CPA6: variants seen among roughly 807,000 people sequenced by gnomAD.
CPA6 encodes the protein carboxypeptidase A6.
Under a neutral mutation model 63.3 loss-of-function variants are expected in CPA6, and 58 were observed. That is an observed-to-expected ratio of 0.92 (90% CI 0.74 to 1.14). CPA6 has a LOEUF of 1.14. Among genes scored for constraint, CPA6 ranks in the 50% most tolerant of loss-of-function variants. The pLI, the probability that CPA6 is intolerant of heterozygous loss-of-function variation, is 0.00. For missense variants in CPA6, 565 were observed against 526.6 expected (o/e 1.07, Z -0.71); for synonymous variants, 185 against 179.0 (o/e 1.03, Z -0.27).
intron 6 of CPA6, among the ~76,000 whole-genome samples, chr8:67,486,067 T>C (rs1451214253): frequency 6.6e-6 from 1 of 152,246 alleles, no homozygotes; most frequent in African/African-American, 2.4e-5. Flanking sequence ...TAGGTTGTTT[T>C]TGTCACTAAT....
At chr8:67,603,826 A>G (rs1471394500) in intron 2 of CPA6, among the ~76,000 whole-genome samples, 1 of 152,210 alleles carries the variant, frequency 6.6e-6, no homozygotes, top group Non-Finnish European at 1.5e-5. Flanking sequence ...GTTCTGCAAT[A>G]GTTTGGTTTT....
chr8:67,498,630 T>C (rs1811771002), intron 6 of CPA6, among the ~76,000 whole-genome samples: 1 of 151,712 alleles, frequency 6.6e-6, no homozygotes, highest in African/African-American at 2.4e-5. Context: ...GCATCTGTAG[T>C]ATACATTTCA....
chr8:67,474,729 A>G (rs1340219410), intron 8 of CPA6, among the ~76,000 whole-genome samples: 1 of 152,152 alleles, frequency 6.6e-6, no homozygotes, highest in Non-Finnish European at 1.5e-5. Flanking sequence ...TAATCCCAGC[A>G]CTTTGGGAGG....
intron 1 of CPA6, among the ~76,000 whole-genome samples, chr8:67,631,550 T>G (rs1000903585): frequency 3.3e-5 from 5 of 151,682 alleles, no homozygotes; most frequent in African/African-American, 1.2e-4. Flanking sequence ...ATCAGCTCTC[T>G]GTAAAATGGA....
At chr8:67,628,972 GGGTGT>G (rs770681447) in intron 1 of CPA6, among the ~76,000 whole-genome samples, 2 of 152,246 alleles carry the variant, frequency 1.3e-5, no homozygotes, top group Non-Finnish European at 2.9e-5. Flanking sequence ...AAAATTATCT[GGGTGT>G]GGTGGCACAT....
chr8:67,581,260 G>A (rs1813764587), intron 2 of CPA6, among the ~76,000 whole-genome samples: 1 of 152,164 alleles, frequency 6.6e-6, no homozygotes. Context: ...TTATATGCAT[G>A]TGGACTGGAT....
At chr8:67,741,458 C>T (rs10093118) in intron 1 of CPA6, among the ~76,000 whole-genome samples, 5,799 of 152,174 alleles carry the variant, frequency 0.038, 378 homozygotes, top group African/African-American at 0.13. Flanking sequence ...GGCCACAGAC[C>T]GGTTCCAGTT....
intron 6 of CPA6, among the ~76,000 whole-genome samples, chr8:67,490,946 T>C (rs1244156767): frequency 6.6e-6 from 1 of 152,172 alleles, no homozygotes; most frequent in Non-Finnish European, 1.5e-5. Flanking sequence ...TTTAAAACTT[T>C]CTTCTATTTT....
Position 67,435,262 on chromosome 8 carries a change from C to T in CPA6, c.839-1022G>A, listed in dbSNP as rs1337762477. Among the ~76,000 whole-genome samples the T allele has an allele frequency of 2.0e-5, 3 of 152,072 alleles. No individual in the cohort carries two copies. In the East Asian group the frequency reaches 5.8e-4, roughly 29 times the overall value. On this transcript the variant is annotated intron_variant, in intron 8 of 10. Coordinates refer to ENST00000297770, the MANE Select transcript of CPA6 (RefSeq NM_020361.5). ...TGGAGGGAGAGGCCCTGGGCCTGTC[C>T]CTGCGGGGAAATCTTTTATGGAAGA...
chr8:67,556,897 A>C (rs1249007986), intron 2 of CPA6, among the ~76,000 whole-genome samples: 3 of 152,222 alleles, frequency 2.0e-5, no homozygotes, highest in Admixed American at 6.5e-5. Context: ...CGTGAGGAGA[A>C]TAGGACTCTT....
At chr8:67,688,696 T>C (rs562382784) in intron 1 of CPA6, among the ~76,000 whole-genome samples, 1 of 152,330 alleles carries the variant, frequency 6.6e-6, no homozygotes, top group Admixed American at 6.5e-5. Context: ...ACTTCTCTCC[T>C]AGTTTCGGTT....
chr8:67,633,170 T>A (rs1815383262), intron 1 of CPA6, among the ~76,000 whole-genome samples: 1 of 152,174 alleles, frequency 6.6e-6, no homozygotes, highest in African/African-American at 2.4e-5. Context: ...TTAGAAAAAC[T>A]CTTCTTTGTT....
At chr8:67,509,035 G>A (rs1183486341) in intron 5 of CPA6, among the ~76,000 whole-genome samples, 2 of 152,104 alleles carry the variant, frequency 1.3e-5, no homozygotes, top group Non-Finnish European at 2.9e-5. Context: ...TGGAGCAGGA[G>A]GAAGAGAGCG....
At chr8:67,514,225 T>C (rs373306960) in intron 3 of CPA6, among the ~76,000 whole-genome samples, 1 of 152,296 alleles carries the variant, frequency 6.6e-6, no homozygotes, top group East Asian at 1.9e-4. Context: ...CCCAAAGTGC[T>C]GGGATTACAG....
chr8:67,672,352 A>G (rs1314884290), intron 1 of CPA6, among the ~76,000 whole-genome samples: 4 of 152,102 alleles, frequency 2.6e-5, no homozygotes, highest in Non-Finnish European at 5.9e-5. Flanking sequence ...AATGCGTACA[A>G]ACTTTTAGAT....
chr8:67,442,093 T>C (rs1301535405), intron 8 of CPA6, among the ~76,000 whole-genome samples: 3 of 152,244 alleles, frequency 2.0e-5, no homozygotes, highest in East Asian at 3.9e-4. Context: ...CAAATATATA[T>C]GACAACATAA....
At chr8:67,492,771 ATTAT>A (rs1369044569) in intron 6 of CPA6, among the ~76,000 whole-genome samples, 4 of 152,200 alleles carry the variant, frequency 2.6e-5, no homozygotes, top group Admixed American at 1.3e-4. Context: ...AACACTCACT[ATTAT>A]TAGGTAGCGG....
intron 1 of CPA6, among the ~76,000 whole-genome samples, chr8:67,679,879 G>T (rs1157332219): frequency 6.6e-6 from 1 of 152,146 alleles, no homozygotes; most frequent in Non-Finnish European, 1.5e-5. Flanking sequence ...GCAGCATGTT[G>T]TTACCTGGCT....
chr8:67,634,684 AT>A lies in CPA6; in HGVS notation c.117-10434del, dbSNP rs924834967. ...GGGAAGGACCAATGAACCACTGCAT[AT>A]TTTTTTTGTGAAAATTATTTCATCC... On this transcript the variant is annotated intron_variant, in intron 1 of 10. Transcript: ENST00000297770. Among the ~76,000 whole-genome samples the A allele has an allele frequency of 5.9e-5, 9 of 151,298 alleles. No homozygotes were observed. In the East Asian group the frequency reaches 1.5e-3, roughly 26 times the overall value.
Sources: gnomAD v4.1 joint callset for allele counts (sites outside exome capture counted in the v4.1 genomes callset) on GRCh38, gnomAD v4.1.1 for gene constraint, MANE v1.5 for transcripts, NCBI Gene and HGNC (gene_info 2026-07-23, HGNC 2026-07-21) for gene names.